The following ARID5B variants were observed in gnomAD, a reference collection of about 807,000 sequenced individuals.
The protein encoded by ARID5B is AT-rich interactive domain-containing protein 5B.
ARID5B carries 13 observed loss-of-function variants against 97.2 expected under a neutral mutation model. The ratio of observed to expected loss-of-function variants is 0.13; its 90% CI spans 0.09 to 0.21. The LOEUF (loss-of-function observed/expected upper bound fraction) is 0.21. ARID5B is among the 10% of genes least tolerant of loss of function. The pLI, the probability that ARID5B is intolerant of heterozygous loss-of-function variation, is 1.00. For synonymous variants in ARID5B, 556 were observed against 570.3 expected, an observed-to-expected ratio of 0.97 and a Z score of 0.36; for missense variants, 1,210 against 1,465.3, an observed-to-expected ratio of 0.83 and a Z score of 2.84.
At chr10:62,017,971 G>A (rs1839305059) in intron 4 of ARID5B, among the ~76,000 whole-genome samples, 1 of 152,134 alleles carries the variant, frequency 6.6e-6, no homozygotes, top group Admixed American at 6.5e-5. Flanking sequence ...GCCAGAGAAA[G>A]CCATTTATCT....
intron 2 of ARID5B, among the ~76,000 whole-genome samples, chr10:61,934,187 C>T (rs1046916086): frequency 3.9e-5 from 6 of 152,256 alleles, no homozygotes; most frequent in South Asian, 2.1e-4. Flanking sequence ...TTTTAGCTTT[C>T]GTAGAATTGA....
At chr10:61,969,288 C>T (rs1262059170) in intron 3 of ARID5B, among the ~76,000 whole-genome samples, 1 of 152,220 alleles carries the variant, frequency 6.6e-6, no homozygotes, top group Non-Finnish European at 1.5e-5. Flanking sequence ...TCAGGTTCCT[C>T]ATAGGAATAT....
chr10:61,911,012 T>A, intron 2 of ARID5B, among the ~76,000 whole-genome samples: 1 of 152,104 alleles, frequency 6.6e-6, no homozygotes, highest in Admixed American at 6.5e-5. Context: ...CCCATAAACA[T>A]CTTTTCCCCC....
intron 3 of ARID5B, among the ~76,000 whole-genome samples, chr10:61,950,559 A>G (rs1001640291): frequency 6.6e-6 from 1 of 152,124 alleles, no homozygotes; most frequent in Non-Finnish European, 1.5e-5. Context: ...AGCCCCAGCT[A>G]CTCAGGAGGC....
chr10:61,994,826 G>A (rs1838975173), intron 3 of ARID5B, among the ~76,000 whole-genome samples: 2 of 146,300 alleles, frequency 1.4e-5, no homozygotes, highest in Admixed American at 1.4e-4. Flanking sequence ...TACAAGCAGT[G>A]TACTTTAGGT....
intron 8 of ARID5B, among the ~76,000 whole-genome samples, chr10:62,072,028 G>A (rs1840071755): frequency 6.6e-6 from 1 of 152,166 alleles, no homozygotes; most frequent in Admixed American, 6.5e-5. Flanking sequence ...TTAACACGGG[G>A]GCAACAACTG....
At chr10:61,906,158 TA>T (rs1198561891) in intron 2 of ARID5B, among the ~76,000 whole-genome samples, 4 of 152,134 alleles carry the variant, frequency 2.6e-5, no homozygotes, top group Non-Finnish European at 5.9e-5. Context: ...AGTACTTAAA[TA>T]AATAGAAAAT....
chr10:61,906,451 C>G (rs915086274), intron 2 of ARID5B, among the ~76,000 whole-genome samples: 1 of 152,170 alleles, frequency 6.6e-6, no homozygotes, highest in African/African-American at 2.4e-5. Context: ...TTCCAATTGC[C>G]AAGTGCTTAA....
intron 2 of ARID5B, among the ~76,000 whole-genome samples, chr10:61,931,657 A>G (rs2132784472): frequency 6.6e-6 from 1 of 152,360 alleles, no homozygotes; most frequent in Non-Finnish European, 1.5e-5. Flanking sequence ...AAAACAAATA[A>G]CCAAATGGGC....
intron 3 of ARID5B, among the ~76,000 whole-genome samples, chr10:61,967,244 A>G (rs1385979448): frequency 2.6e-5 from 4 of 152,192 alleles, no homozygotes; most frequent in Non-Finnish European, 5.9e-5. Flanking sequence ...ACAAATATGA[A>G]CCACTCTTAT....
chr10:62,066,316 G>A (rs1445829622), intron 7 of ARID5B, among the ~76,000 whole-genome samples: 1 of 152,090 alleles, frequency 6.6e-6, no homozygotes, highest in African/African-American at 2.4e-5. Flanking sequence ...TACATCTAGA[G>A]ACCAAAAAAA....
intron 4 of ARID5B, among the ~76,000 whole-genome samples, chr10:62,031,490 C>G (rs1159874866): frequency 6.6e-6 from 1 of 152,188 alleles, no homozygotes; most frequent in East Asian, 1.9e-4. Flanking sequence ...TGGGATTTTG[C>G]AGCTTTTGGA....
chr10:62,017,493 T>G (rs1839299239), intron 4 of ARID5B, among the ~76,000 whole-genome samples: 1 of 151,786 alleles, frequency 6.6e-6, no homozygotes. Flanking sequence ...TGTTCTGCTT[T>G]TTTTTTTTTC....
In ARID5B at chr10:62,000,111, A is replaced by G; in HGVS notation, c.523A>G (p.Asn175Asp). 10 of 1,613,940 alleles carry G rather than the reference A, an allele frequency of 6.2e-6. No homozygotes were observed. The highest frequency in any genetic ancestry group is 8.5e-6 in the Non-Finnish European group (10 of 1,179,880). ...TCTAGGGGAGGACGAGGAAGAAACG[A>G]ACGTGATAGTTCTCAGCTACCCCCA... ...ADLGEDEEET[N>D]VIVLSYPQYC... The change falls in exon 4 of 10, where the codon AAC becomes GAC. Residue 175 changes from asparagine to aspartate, a missense_variant. Transcript: ENST00000279873. This position sits in a 1 kb window ranked among gnomAD's most constrained non-coding sequence, Gnocchi z 4.4.
chr10:62,094,434 C>A lies in ARID5B; in HGVS notation c.*1404C>A, dbSNP rs757908905. On this transcript the variant is annotated 3_prime_UTR_variant, in exon 10 of 10. Transcript: ENST00000279873. ...GGATTAGCCTTTTCAAAAGAAAAGT[C>A]ATCCTATTTGGTTTTATGGGGTGTG... The A allele has an allele frequency of 2.6e-5, 6 of 230,756 alleles. No individual in the cohort carries two copies. Among genetic ancestry groups the A allele is most frequent in the Non-Finnish European group, 3.4e-5 (4 of 116,580 alleles). The allele number at this position is 230,756 out of a possible 1,614,324, so 14.3% of individuals were successfully genotyped here. A position where few individuals can be genotyped will look rare whatever the true frequency, so the allele number is the denominator to read the frequency against.
intron 4 of ARID5B, among the ~76,000 whole-genome samples, chr10:62,004,908 T>C (rs1293141591): frequency 6.6e-6 from 1 of 152,218 alleles, no homozygotes; most frequent in South Asian, 2.1e-4. Flanking sequence ...GCTCAATATA[T>C]ATAAATGAGA....
chr10:61,915,801 G>A (rs1396049070), intron 2 of ARID5B, among the ~76,000 whole-genome samples: 2 of 152,204 alleles, frequency 1.3e-5, no homozygotes, highest in South Asian at 2.1e-4. Flanking sequence ...TGTCGCCCAG[G>A]CTAGAGTGCA....
intron 2 of ARID5B, among the ~76,000 whole-genome samples, chr10:61,926,206 C>T (rs1844103201): frequency 6.6e-6 from 1 of 152,158 alleles, no homozygotes; most frequent in Admixed American, 6.5e-5. Flanking sequence ...GGAACAAAAA[C>T]ACGATAAAAA....
chr10:61,980,403 T>C (rs150076866), intron 3 of ARID5B, among the ~76,000 whole-genome samples: 68 of 152,348 alleles, frequency 4.5e-4, no homozygotes, highest in Non-Finnish European at 8.7e-4. Context: ...ATCGCCTTGA[T>C]TTCTTCTTAA....
Sources: allele counts gnomAD v4.1 joint callset (sites outside exome capture counted in the v4.1 genomes callset), GRCh38; gene constraint gnomAD v4.1.1; non-coding constraint Gnocchi (gnomAD v3.1); transcripts MANE v1.5; gene names NCBI Gene and HGNC (gene_info 2026-07-23, HGNC 2026-07-21).